STAG3: variants seen among roughly 807,000 people sequenced by gnomAD.
The protein encoded by STAG3 is STAG3 cohesin complex component, also known as cohesin subunit SA-3.
In STAG3, 101 loss-of-function variants were observed where a neutral mutation model predicts 160.7. The ratio of observed to expected loss-of-function variants is 0.63; its 90% confidence interval spans 0.54 to 0.74. The LOEUF is 0.74. Among genes scored for constraint, STAG3 ranks in the 30% least tolerant of loss-of-function variants. STAG3 has a pLI of 0.00. For missense variants in STAG3, 1,188 were observed against 1,517.4 expected (o/e 0.78, Z 3.61); for synonymous variants, 519 against 585.0 (o/e 0.89, Z 1.63).
chr7:100,204,286 ATTT>A (rs373373624), intron 26 of STAG3, among the ~76,000 whole-genome samples, 164 bp downstream of exon 26: 27 of 149,646 alleles, frequency 1.8e-4, no homozygotes, highest in African/African-American at 6.1e-4. Context: ...CTTGGGAAGT[ATTT>A]TTTTTTTAAC....
chr7:100,184,837 A>G (rs1330939712), intron 4 of STAG3, among the ~76,000 whole-genome samples: 2 of 151,974 alleles, frequency 1.3e-5, no homozygotes, highest in Non-Finnish European at 2.9e-5. Flanking sequence ...TCATTTTATA[A>G]TCTATGATAA....
rs1179112660 is a variant in STAG3, at chr7:100,184,276, A to AG, written c.336+1437_336+1438insG. ...GTGAGACTCTGTCTCAAAAAAAAAA[A>AG]AAGAAAGAAATTTATGGAGACTTAG... On this transcript the variant is annotated intron_variant, in intron 4 of 33. Transcript: ENST00000615138. Among the ~76,000 whole-genome samples, 10 of 152,006 alleles carry AG rather than the reference A, an allele frequency of 6.6e-5. No homozygotes were observed. The East Asian group carries it at 1.9e-3, about 29-fold the overall frequency.
Position 100,201,352 on chromosome 7 carries a change from G to A in STAG3, c.2220+1G>A. ...GGACACAGGAGAGGTTCCTCACCAG[G>A]TGAGTGGACAGGCTAGAGATGGGTT... On this transcript the variant is annotated splice_donor_variant, in intron 21 of 33. Coordinates refer to ENST00000615138, the MANE Select transcript of STAG3 (RefSeq NM_001282717.2). LOFTEE classifies it high-confidence loss of function. 6.2e-7 allele frequency: 1 copy of A among 1,614,054 alleles called. No homozygotes were observed. The highest frequency in any genetic ancestry group is 8.5e-7 in the Non-Finnish European group (1 of 1,179,932).
At chr7:100,202,938 G>A (rs1801272193) in intron 25 of STAG3, among the ~76,000 whole-genome samples, 1 of 152,210 alleles carries the variant, frequency 6.6e-6, no homozygotes, top group African/African-American at 2.4e-5. Flanking sequence ...CTAGATAGGT[G>A]CCCCAGTTTC....
chr7:100,188,707 T>C (rs1345804522), intron 6 of STAG3, 105 bp from the exon 7 acceptor site: 1 of 1,233,450 alleles, frequency 8.1e-7, no homozygotes, highest in Non-Finnish European at 1.2e-6. Context: ...GGAAATGAGG[T>C]ATAACAGATA....
At position 100,204,542 on chromosome 7, in the gene STAG3, TTCTGAGTAGAGAAGAG is replaced by T. The variant is rs1200162259; in HGVS notation, c.2803-84_2803-69del. 5 of 1,526,802 alleles carry T rather than the reference TTCTGAGTAGAGAAGAG, an allele frequency of 3.3e-6. No individual in the cohort carries two copies. The East Asian group carries it at 1.1e-4, about 35-fold the overall frequency. The allele number at this position is 1,526,802 out of a possible 1,614,324, so 94.6% of individuals were successfully genotyped here. ...GATGGTGTCCCAAGGCCTTTGGAAT[TTCTGAGTAGAGAAGAG>T]AATGCTGGACTTCTCTGTTTCCGCC... On this transcript the variant is annotated intron_variant, in intron 26 of 33. Coordinates refer to ENST00000615138, the MANE Select transcript of STAG3 (RefSeq NM_001282717.2).
chr7:100,205,284 G>A lies in STAG3; in HGVS notation c.3138G>A (p.Trp1046Ter). 1 of 1,614,070 alleles carries A rather than the reference G, an allele frequency of 6.2e-7. No homozygotes were observed. The highest frequency in any genetic ancestry group is 8.5e-7 in the Non-Finnish European group (1 of 1,180,010). ...QHVSQAPGHPWGPVTTYCHSL... is the reference protein window; with the variant it reads ...QHVSQAPGHP ...TCTCCCAGGCACCTGGCCATCCCTG[G>A]GGCCCAGTCACCACCTACTGCCACT... Residue 1046 changes from tryptophan (W) to a stop codon, truncating the protein, a stop_gained, in exon 29 of 34, where the codon TGG becomes TGA. Transcript: ENST00000615138. LOFTEE classifies it high-confidence loss of function.
chr7:100,201,937 C>A lies in STAG3; in HGVS notation c.2302-12C>A. 1 of 1,614,188 alleles carries A rather than the reference C, an allele frequency of 6.2e-7. No homozygotes were observed. Among genetic ancestry groups the A allele is most frequent in the Non-Finnish European group, 8.5e-7 (1 of 1,180,024 alleles). On this transcript the variant is annotated splice_polypyrimidine_tract_variant and intron_variant, in intron 22 of 33. Coordinates refer to ENST00000615138, the MANE Select transcript of STAG3 (RefSeq NM_001282717.2). ...GTCTTCATTCTTCCCCTTCAAGCCA[C>A]TGTGCCCACAGAAGCAGCTGTCGAG...
Position 100,201,799 on chromosome 7 carries a change from C to T in STAG3, c.2234C>T (p.Ala745Val). The change falls in exon 22 of 34, where the codon GCC becomes GTC. Residue 745 changes from alanine to valine, a missense_variant. Physicochemically the swap from Ala to Val is moderately conservative, Grantham distance 64. Around this residue, in one of 4 missense-constraint regions of STAG3, gnomAD observed 647 missense variants for 717.2 expected, o/e 0.90. Coordinates refer to ENST00000615138, the MANE Select transcript of STAG3 (RefSeq NM_001282717.2). ...TTGTTGTTACAGGTTATCCTGCCAG[C>T]CTTGACTCTTGTCTATTTTTCCATT... is the stretch of plus-strand genomic sequence containing the variant. ...GEVPHQVILP[A>V]LTLVYFSILW... 1 of 1,614,162 alleles carries T rather than the reference C, an allele frequency of 6.2e-7. No homozygotes were observed. The highest frequency in any genetic ancestry group is 8.5e-7 in the Non-Finnish European group (1 of 1,180,030).
At chr7:100,200,164 G>A (rs1336283790) in intron 16 of STAG3, 72 bp from the exon 17 acceptor site, 6 of 1,104,962 alleles carry the variant, frequency 5.4e-6, no homozygotes, top group Non-Finnish European at 6.7e-6. Context: ...GTCATGGGGA[G>A]GAGGACTGCA....
intron 4 of STAG3, among the ~76,000 whole-genome samples, 172 bp from the exon 5 acceptor site, chr7:100,186,028 C>G (rs1799978416): frequency 6.6e-6 from 1 of 152,198 alleles, no homozygotes; most frequent in South Asian, 2.1e-4. Context: ...CTACTTACAC[C>G]TCATTTTTGG....
In STAG3 at chr7:100,201,998, G is replaced by C. The variant is rs140231893; in HGVS notation, c.2351G>C (p.Cys784Ser). Reference sequence around the variant, plus strand: ...AGAATGGTGGCCTTCTGTGAACTCTGCCAGAGTTGCCTCTCAGATGTGGAT... The same window carrying C: ...AGAATGGTGGCCTTCTGTGAACTCTCCCAGAGTTGCCTCTCAGATGTGGAT... ...RDRMVAFCEL[C>S]QSCLSDVDTE... is the part of the protein sequence containing the mutation. The change falls in exon 23 of 34, where the codon TGC becomes TCC. Residue 784 changes from cysteine to serine, a missense_variant. Coordinates refer to ENST00000615138, the MANE Select transcript of STAG3 (RefSeq NM_001282717.2). 109 of 1,614,050 alleles carry C rather than the reference G, an allele frequency of 6.8e-5. No individual in the cohort carries two copies. Among genetic ancestry groups the C allele is most frequent in the Non-Finnish European group, 8.7e-5 (103 of 1,180,032 alleles).
chr7:100,199,505 T>G (rs1297125303), intron 15 of STAG3, 36 bp from the exon 16 acceptor site: 1 of 1,579,130 alleles, frequency 6.3e-7, no homozygotes, highest in African/African-American at 1.3e-5. Flanking sequence ...GTGGCTAATC[T>G]TTGATTCTAT....
chr7:100,199,407 C>T (rs760732550), intron 15 of STAG3, 40 bp downstream of exon 15: 5 of 1,587,770 alleles, frequency 3.1e-6, no homozygotes, highest in South Asian at 1.1e-5. Context: ...ACCTTCCACC[C>T]CCTAGGGTGA....
intron 19 of STAG3, 37 bp from the exon 20 acceptor site, chr7:100,201,053 G>A (rs1264098319): frequency 6.2e-7 from 1 of 1,614,016 alleles, no homozygotes; most frequent in Admixed American, 1.7e-5. Context: ...GATGAGTTCT[G>A]GGGGAAATGC....
At chr7:100,218,739 G>A (rs1244965750), downstream of STAG3, 1 of 306,512 alleles carries the variant, frequency 3.3e-6, no homozygotes, top group Non-Finnish European at 6.4e-6. Context: ...GATAGTGAAG[G>A]GGTGAAAGGT....
intron 3 of STAG3, among the ~76,000 whole-genome samples, 174 bp downstream of exon 3, chr7:100,182,366 A>G (rs1310991002): frequency 6.6e-6 from 1 of 152,138 alleles, no homozygotes; most frequent in Non-Finnish European, 1.5e-5. Flanking sequence ...CTCAAAAAAA[A>G]AAAAAGAAAA....
Position 100,211,860 on chromosome 7 carries a change from G to A in STAG3, c.3584G>A (p.Arg1195Gln), listed in dbSNP as rs149326026. 78 of 1,614,030 alleles carry A rather than the reference G, an allele frequency of 4.8e-5. No homozygotes were observed. The highest frequency in any genetic ancestry group is 1.0e-4 in the Admixed American group (6 of 60,016). Residue 1195 changes from arginine (R) to glutamine (Q), a missense_variant, in exon 32 of 34, where the codon CGG becomes CAG. Arg to Gln is a conservative substitution (Grantham distance 43, BLOSUM62 1). Around this residue, in one of 4 missense-constraint regions of STAG3, gnomAD observed 647 missense variants for 717.2 expected, o/e 0.90. Transcript: ENST00000615138. ...LEIQDESNEE[R>Q]QDTDMQASSY... ...ATCCAGGATGAGTCAAATGAAGAAC[G>A]GCAGGATACAGACATGGTGAGTAGA...
At chr7:100,204,158 T>C (rs1171858257) in intron 26 of STAG3, 36 bp downstream of exon 26, 24 of 1,543,014 alleles carry the variant, frequency 1.6e-5, no homozygotes, top group Non-Finnish European at 2.1e-5. Context: ...GCCAGCCCTG[T>C]TGTCCCCAAG....
Sources: allele counts gnomAD v4.1 joint callset (sites outside exome capture counted in the v4.1 genomes callset), GRCh38; gene constraint gnomAD v4.1.1; regional missense constraint gnomAD v4.1.1; transcripts MANE v1.5; gene names NCBI Gene and HGNC (gene_info 2026-07-23, HGNC 2026-07-21).